PAX7: variants seen among roughly 807,000 people sequenced by gnomAD.
PAX7 encodes paired box protein Pax-7.
PAX7 carries 18 observed loss-of-function variants against 50.7 expected under a neutral mutation model. The observed-to-expected ratio is 0.36, with a 90% confidence interval of 0.25 to 0.53. The LOEUF (loss-of-function observed/expected upper bound fraction) is 0.53. PAX7 is among the 20% of genes least tolerant of loss of function. The pLI is 0.93. For synonymous variants in PAX7, 310 were observed against 290.4 expected, an observed-to-expected ratio of 1.07 and a Z score of -0.69; for missense variants, 644 against 702.9, an observed-to-expected ratio of 0.92 and a Z score of 0.95.
chr1:18,681,495 A>G (rs1208675473), intron 4 of PAX7, among the ~76,000 whole-genome samples: 3 of 152,102 alleles, frequency 2.0e-5, no homozygotes, highest in Non-Finnish European at 4.4e-5. Context: ...CCATGCAACT[A>G]CACAGTACCA....
At chr1:18,694,889 A>T (rs2089131306) in intron 5 of PAX7, among the ~76,000 whole-genome samples, 1 of 152,164 alleles carries the variant, frequency 6.6e-6, no homozygotes, top group African/African-American at 2.4e-5. Flanking sequence ...TGTCCAGTCA[A>T]TCAGGGACCC....
intron 4 of PAX7, among the ~76,000 whole-genome samples, chr1:18,651,316 C>T (rs2088426851): frequency 6.6e-6 from 1 of 152,118 alleles, no homozygotes; most frequent in Non-Finnish European, 1.5e-5. Flanking sequence ...TCATCGGTGG[C>T]TCTAAAATGT....
intron 4 of PAX7, among the ~76,000 whole-genome samples, chr1:18,655,808 T>TGC (rs2088508220): frequency 6.7e-6 from 1 of 149,298 alleles, no homozygotes; most frequent in Non-Finnish European, 1.5e-5. Context: ...TGTGTGTGTG[T>TGC]GTCTGGGAGT....
chr1:18,648,299 A>G (rs2088377210), intron 4 of PAX7, among the ~76,000 whole-genome samples: 1 of 150,094 alleles, frequency 6.7e-6, no homozygotes, highest in South Asian at 2.1e-4. Flanking sequence ...TTTGAAGGCA[A>G]TGTCACTCTT....
At chr1:18,687,835 G>T (rs933664790) in intron 4 of PAX7, among the ~76,000 whole-genome samples, 13 of 152,040 alleles carry the variant, frequency 8.6e-5, no homozygotes, top group African/African-American at 3.1e-4. Context: ...CCCCAGTCTG[G>T]GCTTCGGTCT....
At chr1:18,666,168 A>G (rs1397920310) in intron 4 of PAX7, among the ~76,000 whole-genome samples, 1 of 152,212 alleles carries the variant, frequency 6.6e-6, no homozygotes, top group Non-Finnish European at 1.5e-5. Flanking sequence ...CAATAAAAAT[A>G]AAAGAAAGGT....
rs1293326721 is a variant in PAX7 at position 18,634,285 on chromosome 1, C to T, written c.86-18C>T. ...ACCCTGCACCTCTCTCCTTCTGCAT[C>T]TCCCCTCCCTTCTCCAGTGTCCACC... On this transcript the variant is annotated intron_variant, in intron 1 of 8. Transcript: ENST00000420770. The surrounding 1 kb of genome is among the most constrained non-coding windows in gnomAD (Gnocchi z 4.0). The T allele has an allele frequency of 5.0e-6, 8 of 1,600,492 alleles. No homozygotes were observed. The East Asian group carries it at 1.8e-4, about 36-fold the overall frequency.
chr1:18,747,269 C>A lies in PAX7; in HGVS notation c.*2340C>A, dbSNP rs749808199. The A allele has an allele frequency of 1.4e-4, 33 of 229,870 alleles. No individual in the cohort carries two copies. The highest frequency in any genetic ancestry group is 1.3e-3 in the Middle Eastern group (1 of 790). 14.2% of individuals were successfully genotyped at this position (229,870 alleles called of 1,614,324 possible). A position where few individuals can be genotyped will look rare whatever the true frequency, so the allele number is the denominator to read the frequency against. ...GCGACATTCCAATGCTAGGACCAAT[C>A]CCAGATATCTGGTCCCGATGGTGAA... On this transcript the variant is annotated 3_prime_UTR_variant, in exon 9 of 9. Coordinates refer to ENST00000420770, the MANE Select transcript of PAX7 (RefSeq NM_001135254.2).
Position 18,700,875 on chromosome 1 carries a change from A to T in PAX7, c.952+57A>T. 1.6e-6 allele frequency: 2 copies of T among 1,287,240 alleles called. No individual in the cohort carries two copies. Among genetic ancestry groups the T allele is most frequent in the Non-Finnish European group, 2.0e-6 (2 of 991,784 alleles). The allele number at this position is 1,287,240 out of a possible 1,614,324, so 79.7% of individuals were successfully genotyped here. ...GTGGTGCCCCTTCCCTTCTTTCTTT[A>T]CTTTCACTTACAAAGGCTCTTCTTT... On this transcript the variant is annotated intron_variant, in intron 6 of 8. Transcript: ENST00000420770. This position sits in a 1 kb window ranked among gnomAD's most constrained non-coding sequence, Gnocchi z 4.8.
chr1:18,731,809 C>T (rs555605865), intron 7 of PAX7, among the ~76,000 whole-genome samples: 8 of 152,228 alleles, frequency 5.3e-5, no homozygotes, highest in African/African-American at 7.2e-5. Flanking sequence ...TTGAGCAAAT[C>T]CCATTACGGG....
At chr1:18,646,543 G>A (rs2088342006) in intron 4 of PAX7, among the ~76,000 whole-genome samples, 1 of 152,180 alleles carries the variant, frequency 6.6e-6, no homozygotes, top group Non-Finnish European at 1.5e-5. Context: ...AGCGGGTGCA[G>A]GCGGGCAGAG....
intron 7 of PAX7, among the ~76,000 whole-genome samples, chr1:18,715,159 G>A (rs1009037313): frequency 2.0e-5 from 3 of 152,074 alleles, no homozygotes; most frequent in African/African-American, 4.8e-5. Flanking sequence ...TCCCTTGGCC[G>A]GGAACACCTT....
Position 18,696,069 on chromosome 1 carries a change from T to C in PAX7, c.786+4116T>C, listed in dbSNP as rs1027737948. On this transcript the variant is annotated intron_variant, in intron 5 of 8. Coordinates refer to ENST00000420770, the MANE Select transcript of PAX7 (RefSeq NM_001135254.2). ...CATTCATGGTGCATTTCTTTTCTTT[T>C]TTTTTTTTTTTTTTTGAGACAGAGT... is the stretch of plus-strand genomic sequence containing the variant. Among the ~76,000 whole-genome samples, 22 of 148,282 alleles carry C rather than the reference T, an allele frequency of 1.5e-4. No homozygotes were observed. The South Asian group carries it at 3.2e-3, about 22-fold the overall frequency.
chr1:18,649,613 G>A (rs539113199), intron 4 of PAX7, among the ~76,000 whole-genome samples: 69 of 148,280 alleles, frequency 4.7e-4, no homozygotes, highest in East Asian at 2.3e-3. Context: ...ACCCCACCCC[G>A]CTATCACCCA....
At chr1:18,680,577 A>C (rs2088885078) in intron 4 of PAX7, among the ~76,000 whole-genome samples, 1 of 152,156 alleles carries the variant, frequency 6.6e-6, no homozygotes, top group Admixed American at 6.6e-5. Flanking sequence ...GGCTGGTAGG[A>C]GGCAGATTCC....
intron 4 of PAX7, among the ~76,000 whole-genome samples, chr1:18,651,296 G>A (rs971376989): frequency 6.6e-6 from 1 of 152,130 alleles, no homozygotes; most frequent in African/African-American, 2.4e-5. Flanking sequence ...CAAGTCAAAA[G>A]CGCATTGTCT....
At chr1:18,740,767 T>C (rs1931088975) in intron 8 of PAX7, among the ~76,000 whole-genome samples, 1 of 152,192 alleles carries the variant, frequency 6.6e-6, no homozygotes, top group Admixed American at 6.5e-5. Flanking sequence ...AACAGATGAA[T>C]GGATAAAGAA....
chr1:18,644,473 A>G (rs1316985839), intron 4 of PAX7, among the ~76,000 whole-genome samples: 1 of 152,136 alleles, frequency 6.6e-6, no homozygotes, highest in African/African-American at 2.4e-5. Flanking sequence ...AAACCGAAAA[A>G]ATAATTCTAA....
chr1:18,728,650 C>T (rs2089609090), intron 7 of PAX7, among the ~76,000 whole-genome samples: 1 of 149,108 alleles, frequency 6.7e-6, no homozygotes, highest in Non-Finnish European at 1.5e-5. Flanking sequence ...CACCTGAGGT[C>T]AGGAGTTCGA....
Sources: allele counts gnomAD v4.1 joint callset (sites outside exome capture counted in the v4.1 genomes callset), GRCh38; gene constraint gnomAD v4.1.1; non-coding constraint Gnocchi (gnomAD v3.1); transcripts MANE v1.5; gene names NCBI Gene and HGNC (gene_info 2026-07-23, HGNC 2026-07-21).